Variants in TNFRSF8 observed in about 807,000 individuals in gnomAD.
The protein encoded by TNFRSF8 is tumor necrosis factor receptor superfamily member 8.
In TNFRSF8, 26 loss-of-function variants were observed where a neutral mutation model predicts 70.8. The ratio of observed to expected loss-of-function variants is 0.37; its 90% CI spans 0.27 to 0.51. The LOEUF is 0.51. TNFRSF8 is among the 20% of genes least tolerant of loss of function. The probability of loss-of-function intolerance (pLI) is 0.94; values close to 1 mark genes in which losing one functional copy is unlikely to be tolerated. For synonymous variants in TNFRSF8, 356 were observed against 339.2 expected (o/e 1.05, Z -0.54); for missense variants, 720 against 807.9 (o/e 0.89, Z 1.32).
At chr1:12,099,597 G>T (rs1158812883) in intron 3 of TNFRSF8, among the ~76,000 whole-genome samples, 1 of 151,904 alleles carries the variant, frequency 6.6e-6, no homozygotes, top group African/African-American at 2.4e-5. Context: ...ATTTTTTTGT[G>T]TGTCTCTGAG....
chr1:12,104,370 G>A lies in TNFRSF8; in HGVS notation c.269-9G>A. ...GTTCCCCTCTGTGACCCCTGTCTGT[G>A]TCCCTTAGACGACCTCGTGGAGAAG... On this transcript the variant is annotated splice_polypyrimidine_tract_variant and intron_variant, in intron 3 of 14. Coordinates refer to ENST00000263932, the MANE Select transcript of TNFRSF8 (RefSeq NM_001243.5). The A allele has an allele frequency of 6.2e-7, 1 of 1,614,040 alleles. No individual in the cohort carries two copies. Among genetic ancestry groups the A allele is most frequent in the South Asian group, 1.1e-5 (1 of 91,064 alleles).
rs1365325175 is a variant in TNFRSF8 at position 12,110,273 on chromosome 1, G to A, written c.676+69G>A. On this transcript the variant is annotated intron_variant, in intron 6 of 14. Coordinates refer to ENST00000263932, the MANE Select transcript of TNFRSF8 (RefSeq NM_001243.5). The surrounding 1 kb of genome is among the most constrained non-coding windows in gnomAD (Gnocchi z 4.0). ...GATTGGTGGATGGCCCATGAGTGGG[G>A]GTGTTTGGAGCAGGCGGGCAGTGAT... is the stretch of plus-strand genomic sequence containing the variant. The A allele has an allele frequency of 3.4e-6, 5 of 1,462,368 alleles. No individual in the cohort carries two copies. The highest frequency in any genetic ancestry group is 4.6e-6 in the Non-Finnish European group (5 of 1,094,840). 90.6% of individuals were successfully genotyped at this position (1,462,368 alleles called of 1,614,324 possible). A position where few individuals can be genotyped will look rare whatever the true frequency, so the allele number is the denominator to read the frequency against.
chr1:12,129,282 T>C (rs1315755928), intron 12 of TNFRSF8, among the ~76,000 whole-genome samples: 1 of 152,232 alleles, frequency 6.6e-6, no homozygotes, highest in Admixed American at 6.5e-5. Flanking sequence ...CATTTTGACC[T>C]GAACCATTTG....
Position 12,142,684 on chromosome 1 carries a change from T to C in TNFRSF8, c.*153T>C. ...GGACCGGCCGGTCACTGCAGGGGTC[T>C]GGTGGTCTCTGCTTGCATCCCCAAC... On this transcript the variant is annotated 3_prime_UTR_variant, in exon 15 of 15. Transcript: ENST00000263932. The surrounding 1 kb of genome is among the most constrained non-coding windows in gnomAD (Gnocchi z 5.0). The C allele has an allele frequency of 9.6e-7, 1 of 1,041,298 alleles. No individual in the cohort carries two copies. Among genetic ancestry groups the C allele is most frequent in the Non-Finnish European group, 1.4e-6 (1 of 739,590 alleles). 64.5% of individuals were successfully genotyped at this position (1,041,298 alleles called of 1,614,324 possible).
chr1:12,087,020 C>T (rs1258884993), intron 2 of TNFRSF8, among the ~76,000 whole-genome samples: 3 of 151,616 alleles, frequency 2.0e-5, no homozygotes, highest in African/African-American at 4.8e-5. Flanking sequence ...CTCCCATTCA[C>T]CGCCCCCATC....
intron 2 of TNFRSF8, among the ~76,000 whole-genome samples, chr1:12,087,048 C>T (rs1031383251): frequency 1.3e-5 from 2 of 150,664 alleles, no homozygotes; most frequent in East Asian, 3.9e-4. Context: ...CCACCCCTCT[C>T]CTGGCCATTT....
At chr1:12,128,257 C>T (rs1641978221) in intron 12 of TNFRSF8, among the ~76,000 whole-genome samples, 1 of 152,256 alleles carries the variant, frequency 6.6e-6, no homozygotes, top group East Asian at 1.9e-4. Context: ...ATTCCGACTG[C>T]CCGCAGAGGC....
At position 12,141,165 on chromosome 1, in the gene TNFRSF8, G is replaced by T. The variant is rs972715703; in HGVS notation, c.1544-1122G>T. Among the ~76,000 whole-genome samples the T allele has an allele frequency of 3.3e-5, 5 of 152,106 alleles. No individual in the cohort carries two copies. Among genetic ancestry groups the T allele is most frequent in the Admixed American group, 3.3e-4 (5 of 15,274 alleles). Reference sequence around the variant, plus strand: ...TGGGGGACTCGAGAACCTTTTTGGGGTTCCTGAATCCGAGGGGTATAACTG... The same window carrying T: ...TGGGGGACTCGAGAACCTTTTTGGGTTTCCTGAATCCGAGGGGTATAACTG... On this transcript the variant is annotated intron_variant, in intron 14 of 14. Transcript: ENST00000263932. This position sits in a 1 kb window ranked among gnomAD's most constrained non-coding sequence, Gnocchi z 5.4.
At chr1:12,099,779 T>C (rs1339748108) in intron 3 of TNFRSF8, among the ~76,000 whole-genome samples, 1 of 152,038 alleles carries the variant, frequency 6.6e-6, no homozygotes, top group Non-Finnish European at 1.5e-5. Context: ...GCTCCTAAGC[T>C]ACAACTCTGC....
intron 8 of TNFRSF8, among the ~76,000 whole-genome samples, chr1:12,121,547 C>T (rs1200773358): frequency 6.6e-6 from 1 of 152,216 alleles, no homozygotes; most frequent in Non-Finnish European, 1.5e-5. Flanking sequence ...GGAGGCAGTG[C>T]CATCCAGAGG....
At chr1:12,123,928 G>A in intron 10 of TNFRSF8, 101 bp downstream of exon 10, 1 of 1,025,734 alleles carries the variant, frequency 9.7e-7, no homozygotes, top group South Asian at 1.5e-5. Context: ...TTGTGGGTAT[G>A]GTCTGAGAAG....
chr1:12,075,592 C>T lies in TNFRSF8; in HGVS notation c.64-8872C>T, dbSNP rs572568545. Among the ~76,000 whole-genome samples, 8 of 152,280 alleles carry T rather than the reference C, an allele frequency of 5.3e-5. 2 individuals carry two copies. The highest frequency in any genetic ancestry group is 2.1e-4 in the South Asian group (1 of 4,826). On this transcript the variant is annotated intron_variant, in intron 1 of 14. Coordinates refer to ENST00000263932, the MANE Select transcript of TNFRSF8 (RefSeq NM_001243.5). ...GAAGAATCTCCCATCTGAAAGTCAG[C>T]GGGTTCACAACCTCGATGCCATCTA...
intron 1 of TNFRSF8, among the ~76,000 whole-genome samples, chr1:12,082,828 T>C (rs755716642): frequency 6.6e-6 from 1 of 152,140 alleles, no homozygotes; most frequent in Non-Finnish European, 1.5e-5. Context: ...AAGCTAAGAA[T>C]GTCTGTTCAT....
intron 1 of TNFRSF8, among the ~76,000 whole-genome samples, chr1:12,084,161 C>T (rs537503830): frequency 3.9e-5 from 6 of 152,084 alleles, no homozygotes; most frequent in South Asian, 4.2e-4. Context: ...AATCCCAGGG[C>T]AAGGGGATGG....
At chr1:12,092,486 C>G (rs1188206161) in intron 2 of TNFRSF8, among the ~76,000 whole-genome samples, 3 of 150,704 alleles carry the variant, frequency 2.0e-5, no homozygotes, top group Non-Finnish European at 3.0e-5. Flanking sequence ...TCCAATTTTC[C>G]CCTTTTCTTT....
intron 1 of TNFRSF8, among the ~76,000 whole-genome samples, chr1:12,081,216 G>A (rs1557577725): frequency 6.6e-6 from 1 of 152,264 alleles, no homozygotes; most frequent in African/African-American, 2.4e-5. Context: ...TGTGCCCCAG[G>A]CCCCAGCAGA....
intron 14 of TNFRSF8, among the ~76,000 whole-genome samples, chr1:12,140,105 G>A (rs1191112787): frequency 6.6e-6 from 1 of 152,236 alleles, no homozygotes; most frequent in Non-Finnish European, 1.5e-5. Flanking sequence ...GGAATCCCAG[G>A]GGTGGGGTTC....
intron 2 of TNFRSF8, among the ~76,000 whole-genome samples, chr1:12,096,430 A>C (rs1435576180): frequency 6.6e-6 from 1 of 151,906 alleles, no homozygotes; most frequent in African/African-American, 2.4e-5. Context: ...GAGCTAAAAA[A>C]AAAAAAAAAA....
At position 12,132,688 on chromosome 1, in the gene TNFRSF8, A is replaced by T. The variant is rs192218688; in HGVS notation, c.1310-2900A>T. Among the ~76,000 whole-genome samples the T allele has an allele frequency of 2.6e-3, 402 of 152,038 alleles. 1 individual carries two copies. The highest frequency in any genetic ancestry group is 4.8e-3 in the Non-Finnish European group (326 of 67,958). ...CCCTGTCTCTACCGAAAATACAAAAATTAGCCGGGTGTCATGACACGCACC... is the reference window on the plus strand; with the variant it reads ...CCCTGTCTCTACCGAAAATACAAAATTTAGCCGGGTGTCATGACACGCACC... On this transcript the variant is annotated intron_variant, in intron 12 of 14. Transcript: ENST00000263932.
Sources: allele counts gnomAD v4.1 joint callset (sites outside exome capture counted in the v4.1 genomes callset), GRCh38; gene constraint gnomAD v4.1.1; non-coding constraint Gnocchi (gnomAD v3.1); transcripts MANE v1.5; gene names NCBI Gene and HGNC (gene_info 2026-07-23, HGNC 2026-07-21).